Variants in DNAH10 observed in about 807,000 individuals in gnomAD.
DNAH10 encodes the protein dynein axonemal heavy chain 10.
DNAH10 carries 348 observed loss-of-function variants against 506.6 expected under a neutral mutation model. The ratio of observed to expected loss-of-function variants is 0.69; its 90% CI spans 0.63 to 0.75. The LOEUF (loss-of-function observed/expected upper bound fraction) is 0.75. Ranked by LOEUF, DNAH10 falls within the 30% of genes least tolerant of loss-of-function variation. DNAH10 has a pLI of 0.00. For synonymous variants in DNAH10, 2,059 were observed against 2,198.6 expected (o/e 0.94, Z 1.78); for missense variants, 5,179 against 5,787.1 (o/e 0.89, Z 3.41).
In DNAH10 at chr12:123,785,737, C is replaced by G. The variant is rs1957824238; in HGVS notation, c.1231-9C>G. The G allele has an allele frequency of 6.3e-7, 1 of 1,585,288 alleles. No homozygotes were observed. The highest frequency in any genetic ancestry group is 8.6e-7 in the Non-Finnish European group (1 of 1,159,088). ...GGGCTCTTGCGTGGCTCTCTCCTCTCTTGGTCAGAACATAACGCACGGGTC... is the reference window on the plus strand; with the variant it reads ...GGGCTCTTGCGTGGCTCTCTCCTCTGTTGGTCAGAACATAACGCACGGGTC... On this transcript the variant is annotated splice_polypyrimidine_tract_variant and intron_variant, in intron 8 of 78. Transcript: ENST00000673944. This position sits in a 1 kb window ranked among gnomAD's most constrained non-coding sequence, Gnocchi z 4.1.
At chr12:123,763,563 C>CT (rs35395990) in intron 1 of DNAH10, among the ~76,000 whole-genome samples, 37,755 of 129,498 alleles carry the variant, frequency 0.29, 6,053 homozygotes, top group Middle Eastern at 0.41. Flanking sequence ...TATTTTTTAA[C>CT]TTTTTTTTTT....
Position 123,850,476 on chromosome 12 carries a change from C to G in DNAH10, c.6103-412C>G, listed in dbSNP as rs1951113148. ...TGTGTGAGGTGGTGGGCTGGGCGCT[C>G]CCAACCTGGGCTGTCTCCTTTCATC... On this transcript the variant is annotated intron_variant, in intron 34 of 78. Transcript: ENST00000673944. The surrounding 1 kb of genome is among the most constrained non-coding windows in gnomAD (Gnocchi z 5.5). Among the ~76,000 whole-genome samples, 2 of 152,144 alleles carry G rather than the reference C, an allele frequency of 1.3e-5. No individual in the cohort carries two copies. Among genetic ancestry groups the G allele is most frequent in the Admixed American group, 1.3e-4 (2 of 15,276 alleles).
At chr12:123,900,714 A>C (rs1264415313) in intron 56 of DNAH10, among the ~76,000 whole-genome samples, 2 of 152,214 alleles carry the variant, frequency 1.3e-5, no homozygotes, top group Non-Finnish European at 2.9e-5. Context: ...TGCTGGCTTC[A>C]GGCACAGCTG....
rs77756530 is a variant in DNAH10, at chr12:123,816,646, A to G, written c.3781-2304A>G. ...CTGAGTTCTGTGAGCCATTTCAGCA[A>G]ATGGTCAAATGTGAAGGAGACGTGT... On this transcript the variant is annotated intron_variant, in intron 21 of 78. Transcript: ENST00000673944. Among the ~76,000 whole-genome samples the G allele has an allele frequency of 4.0e-3, 608 of 152,312 alleles. 3 individuals carry two copies. Among genetic ancestry groups the G allele is most frequent in the African/African-American group, 0.013 (556 of 41,564 alleles).
intron 33 of DNAH10, 86 bp downstream of exon 33, chr12:123,848,181 C>G: frequency 1.3e-6 from 2 of 1,524,506 alleles, no homozygotes; most frequent in Non-Finnish European, 1.8e-6. Context: ...TAGTCTTTGA[C>G]ATGGCGACAG....
rs1005356124 is a variant in DNAH10, at chr12:123,879,870, A to G, written c.8634+69A>G. The G allele has an allele frequency of 8.4e-6, 13 of 1,549,046 alleles. No individual in the cohort carries two copies. In the African/African-American group the frequency reaches 1.5e-4, roughly 18 times the overall value. On this transcript the variant is annotated intron_variant, in intron 50 of 78. Transcript: ENST00000673944. ...AGCATGGGCCAAGCGGGAGCTGAGC[A>G]TCGCGCGGGTGCCCGGGAGCCTATC...
intron 49 of DNAH10, 74 bp from the exon 50 acceptor site, chr12:123,879,560 T>C: frequency 6.3e-7 from 1 of 1,583,108 alleles, no homozygotes; most frequent in Non-Finnish European, 8.6e-7. Context: ...ATAGTACGTA[T>C]CCTCTGCTCC....
rs772783207 is a variant in DNAH10 at position 123,934,724 on chromosome 12, C to T, written c.13581C>T (p.Ile4527=). 1 of 1,613,938 alleles carries T rather than the reference C, an allele frequency of 6.2e-7. No homozygotes were observed. The change falls in exon 78 of 79, where the codon ATC becomes ATT. Residue 4527 remains isoleucine (I), a synonymous_variant. Coordinates refer to ENST00000673944, the MANE Select transcript of DNAH10 (RefSeq NM_001372106.1). ...AGGTGCTGGTTGTGGACCTGCCGAT[C>T]CTGAAGATCATCCCCATTGAAGCCC... The part of the protein sequence containing the change: ...KPKVLVVDLP[I]LKIIPIEAHR...
chr12:123,859,173 C>T lies in DNAH10; in HGVS notation c.6654C>T (p.Phe2218=), dbSNP rs142142817. Residue 2218 remains phenylalanine, a synonymous_variant, in exon 38 of 79, where the codon TTC becomes TTT. Transcript: ENST00000673944. ...AGGTGGATAAAGTGGTTCAAATGTTCGAGACCATGTTAACCCGCCACACGA... is the reference window on the plus strand; with the variant it reads ...AGGTGGATAAAGTGGTTCAAATGTTTGAGACCATGTTAACCCGCCACACGA... The part of the protein sequence containing the change: ...PIQVDKVVQM[F]ETMLTRHTTM... 3.9e-4 allele frequency: 629 copies of T among 1,610,892 alleles called. 3 individuals carry two copies. In the African/African-American group the frequency reaches 7.1e-3, roughly 18 times the overall value.
At chr12:123,839,401 T>G (rs1282590092) in intron 29 of DNAH10, among the ~76,000 whole-genome samples, 1 of 152,158 alleles carries the variant, frequency 6.6e-6, no homozygotes, top group Middle Eastern at 3.2e-3. Flanking sequence ...GACATCAGTT[T>G]CCTCATCTGT....
At chr12:123,891,196 C>T (rs889106161) in intron 52 of DNAH10, among the ~76,000 whole-genome samples, 1 of 152,128 alleles carries the variant, frequency 6.6e-6, no homozygotes, top group African/African-American at 2.4e-5. Flanking sequence ...TCTTCGTTGT[C>T]ACGTGGCCTT....
chr12:123,777,766 C>T (rs894906794), intron 5 of DNAH10, among the ~76,000 whole-genome samples: 2 of 152,180 alleles, frequency 1.3e-5, no homozygotes, highest in African/African-American at 4.8e-5. Context: ...CCACCTCAGC[C>T]TCCTGAGTAG....
intron 56 of DNAH10, among the ~76,000 whole-genome samples, chr12:123,901,770 C>T (rs1953533281): frequency 1.3e-5 from 2 of 152,188 alleles, no homozygotes; most frequent in African/African-American, 2.4e-5. Context: ...AAGCGATTCT[C>T]CTGCCTCAGC....
At chr12:123,814,966 A>G (rs1016128431) in intron 21 of DNAH10, among the ~76,000 whole-genome samples, 1 of 152,192 alleles carries the variant, frequency 6.6e-6, no homozygotes, top group African/African-American at 2.4e-5. Context: ...TACGTCACAG[A>G]AATAATAGAA....
rs780333092 is a variant in DNAH10, at chr12:123,850,879, G to A, written c.6103-9G>A. 3 of 1,600,902 alleles carry A rather than the reference G, an allele frequency of 1.9e-6. No individual in the cohort carries two copies. The highest frequency in any genetic ancestry group is 2.2e-5 in the East Asian group (1 of 44,502). On this transcript the variant is annotated splice_polypyrimidine_tract_variant and intron_variant, in intron 34 of 78. Transcript: ENST00000673944. This position sits in a 1 kb window ranked among gnomAD's most constrained non-coding sequence, Gnocchi z 5.5. ...ACTGCTTCTTTCTTTCTTCCTTCTT[G>A]CCCTCCAGTTTGAAGGGCAGGAGAT...
In DNAH10 at chr12:123,804,970, C is replaced by T. The variant is rs895263409; in HGVS notation, c.2917C>T (p.Pro973Ser). 6.2e-7 allele frequency: 1 copy of T among 1,614,186 alleles called. No individual in the cohort carries two copies. ...CGTCCACACCAACACAGGCAAGGCC[C>T]CCAAGCTGGCCTCCTACTACAAATA... The part of the protein sequence containing the change: ...LVVHTNTGKA[P>S]KLASYYKYWE... Residue 973 changes from proline (P) to serine (S), a missense_variant, in exon 18 of 79, where the codon CCC (proline) becomes TCC (serine). By Grantham distance (74) the Pro-to-Ser change is moderately conservative. Around this residue, in one of 3 missense-constraint regions of DNAH10, gnomAD observed 4,844 missense variants for 5,430.5 expected, o/e 0.89. Coordinates refer to ENST00000673944, the MANE Select transcript of DNAH10 (RefSeq NM_001372106.1).
intron 35 of DNAH10, among the ~76,000 whole-genome samples, chr12:123,851,520 G>A (rs1288856813): frequency 6.6e-6 from 1 of 152,116 alleles, no homozygotes; most frequent in Non-Finnish European, 1.5e-5. Flanking sequence ...ATGCACAAGA[G>A]GTTGCAACAA....
At chr12:123,834,887 CAT>C (rs960881862) in intron 27 of DNAH10, among the ~76,000 whole-genome samples, 57 of 152,208 alleles carry the variant, frequency 3.7e-4, no homozygotes, top group Non-Finnish European at 7.3e-5. Context: ...AATATTAAAT[CAT>C]GTGGATTGAT....
Position 123,931,893 on chromosome 12 carries a change from C to T in DNAH10, c.13128+46C>T, listed in dbSNP as rs776203745. The T allele has an allele frequency of 3.1e-6, 5 of 1,612,524 alleles. No individual in the cohort carries two copies. In the African/African-American group the frequency reaches 6.7e-5, roughly 22 times the overall value. ...CAGATTACTGCCTAGATACGTGGCA[C>T]CTGGGGTTCTGATAGAGTCCTGCCC... On this transcript the variant is annotated intron_variant, in intron 75 of 78. Transcript: ENST00000673944.
Sources: gnomAD v4.1 joint callset for allele counts (sites outside exome capture counted in the v4.1 genomes callset) on GRCh38, gnomAD v4.1.1 for gene constraint, gnomAD v4.1.1 regional missense constraint, Gnocchi (gnomAD v3.1) non-coding constraint, MANE v1.5 for transcripts, NCBI Gene and HGNC (gene_info 2026-07-23, HGNC 2026-07-21) for gene names.